The following DLGAP2 variants were observed in gnomAD, a reference collection of about 807,000 sequenced individuals.
DLGAP2 encodes the protein disks large-associated protein 2.
DLGAP2 carries 26 observed loss-of-function variants against 100.3 expected under a neutral mutation model. The ratio of observed to expected loss-of-function variants is 0.26; its 90% CI spans 0.19 to 0.36. The LOEUF (loss-of-function observed/expected upper bound fraction) is 0.36, where lower values mean the gene tolerates loss of function less well. Among genes scored for constraint, DLGAP2 ranks in the 10% least tolerant of loss-of-function variants. The pLI, the probability that DLGAP2 is intolerant of heterozygous loss-of-function variation, is 1.00. For synonymous variants in DLGAP2, 886 were observed against 630.1 expected (o/e 1.41, Z -6.08); for missense variants, 1,858 against 1,453.2 (o/e 1.28, Z -4.53).
At chr8:868,085 T>C (rs1480343156) in intron 1 of DLGAP2, among the ~76,000 whole-genome samples, 1 of 152,258 alleles carries the variant, frequency 6.6e-6, no homozygotes, top group African/African-American at 2.4e-5. Context: ...AATGGTTATA[T>C]ACTTTAAGCT....
intron 1 of DLGAP2, among the ~76,000 whole-genome samples, chr8:759,950 C>T (rs553860000): frequency 6.6e-5 from 10 of 152,290 alleles, no homozygotes; most frequent in South Asian, 2.1e-4. Context: ...CTTCTCATTT[C>T]GCTTCCACCA....
At chr8:816,717 A>G (rs923216685) in intron 1 of DLGAP2, among the ~76,000 whole-genome samples, 1 of 152,138 alleles carries the variant, frequency 6.6e-6, no homozygotes, top group African/African-American at 2.4e-5. Context: ...TCTTTTTGTG[A>G]TGAATTTCCT....
At chr8:1,162,337 T>C (rs755876396) in intron 2 of DLGAP2, among the ~76,000 whole-genome samples, 1 of 152,210 alleles carries the variant, frequency 6.6e-6, no homozygotes, top group South Asian at 2.1e-4. Context: ...CCAGCGTGAA[T>C]TGAGCAGTGG....
chr8:1,557,475 G>A (rs894418195), intron 5 of DLGAP2, among the ~76,000 whole-genome samples: 2 of 152,106 alleles, frequency 1.3e-5, no homozygotes, highest in African/African-American at 2.4e-5. Flanking sequence ...GAGCAGCGGG[G>A]ACAGGTCTCG....
intron 3 of DLGAP2, among the ~76,000 whole-genome samples, chr8:1,478,829 C>A (rs1056673946): frequency 1.3e-5 from 2 of 152,188 alleles, no homozygotes; most frequent in Non-Finnish European, 2.9e-5. Context: ...TAGCCCCCTC[C>A]TTGATGAAGA....
intron 2 of DLGAP2, among the ~76,000 whole-genome samples, chr8:935,002 G>T (rs531155130): frequency 1.3e-5 from 2 of 152,132 alleles, no homozygotes; most frequent in African/African-American, 4.8e-5. Context: ...TTGTAGGAAC[G>T]TGTATTACTC....
intron 3 of DLGAP2, among the ~76,000 whole-genome samples, chr8:1,284,226 C>G (rs192139128): frequency 2.6e-5 from 4 of 152,324 alleles, no homozygotes; most frequent in South Asian, 4.1e-4. Context: ...AAGGAGTCCA[C>G]TGCAGGCTTA....
At chr8:1,682,915 G>A (rs770897634) in intron 12 of DLGAP2, among the ~76,000 whole-genome samples, 1 of 151,386 alleles carries the variant, frequency 6.6e-6, no homozygotes, top group South Asian at 2.1e-4. Context: ...TTCGTGGTGG[G>A]ATTTTTGTTT....
chr8:1,116,983 T>G (rs1805138203), intron 2 of DLGAP2, among the ~76,000 whole-genome samples: 1 of 152,198 alleles, frequency 6.6e-6, no homozygotes, highest in Non-Finnish European at 1.5e-5. Context: ...GGATCGCTTC[T>G]GCCAAAAGAA....
chr8:1,347,953 A>G (rs1015420230), intron 3 of DLGAP2, among the ~76,000 whole-genome samples: 36 of 151,336 alleles, frequency 2.4e-4, no homozygotes, highest in African/African-American at 8.7e-4. Flanking sequence ...GTTCCCATAC[A>G]GAGCTACATT....
chr8:1,240,647 TCA>T (rs1209866054), intron 2 of DLGAP2, among the ~76,000 whole-genome samples: 1 of 150,966 alleles, frequency 6.6e-6, no homozygotes, highest in East Asian at 2.0e-4. Context: ...TAGTTCTCTC[TCA>T]CACAGAGCAT....
chr8:787,099 C>G lies in DLGAP2; in HGVS notation c.18+49274C>G, dbSNP rs182784527. Among the ~76,000 whole-genome samples the G allele has an allele frequency of 2.6e-3, 393 of 152,282 alleles. 2 individuals are homozygous for G. The highest frequency in any genetic ancestry group is 9.1e-3 in the African/African-American group (379 of 41,562). On this transcript the variant is annotated intron_variant, in intron 1 of 14. Coordinates refer to ENST00000637795, the MANE Select transcript of DLGAP2 (RefSeq NM_001346810.2). The stretch of plus-strand genomic sequence containing the variant: ...TGGAATATTATTCTAGGTAAACTGA[C>G]GATGCTTTATTCAATTTTCCTTCAC...
chr8:1,132,898 A>T (rs555783082), intron 2 of DLGAP2, among the ~76,000 whole-genome samples: 2 of 152,222 alleles, frequency 1.3e-5, no homozygotes, highest in Non-Finnish European at 2.9e-5. Context: ...GCTTTGTTTA[A>T]AAATTTGGGG....
At chr8:1,584,617 G>T (rs1446928828) in intron 6 of DLGAP2, among the ~76,000 whole-genome samples, 1 of 152,132 alleles carries the variant, frequency 6.6e-6, no homozygotes, top group African/African-American at 2.4e-5. Context: ...CAGCCCTAGG[G>T]GTTCCCAGGT....
intron 8 of DLGAP2, among the ~76,000 whole-genome samples, chr8:1,639,557 G>A (rs542623233): frequency 3.6e-4 from 55 of 152,296 alleles, no homozygotes; most frequent in African/African-American, 1.0e-3. Context: ...TCCCAGAGAC[G>A]GGCCTGGACT....
At chr8:1,020,402 C>T (rs1466891043) in intron 2 of DLGAP2, among the ~76,000 whole-genome samples, 1 of 152,208 alleles carries the variant, frequency 6.6e-6, no homozygotes, top group Non-Finnish European at 1.5e-5. Flanking sequence ...AATCCAAGCC[C>T]TCTGTTTCTT....
intron 2 of DLGAP2, among the ~76,000 whole-genome samples, chr8:1,043,606 G>A (rs1028203995): frequency 6.6e-6 from 1 of 151,986 alleles, no homozygotes; most frequent in Non-Finnish European, 1.5e-5. Context: ...AAAACTAGGA[G>A]GACTGCAGTG....
intron 3 of DLGAP2, among the ~76,000 whole-genome samples, chr8:1,376,321 A>G (rs1293244654): frequency 2.6e-5 from 4 of 152,168 alleles, no homozygotes; most frequent in East Asian, 1.9e-4. Context: ...TTCTCACTCC[A>G]TCAGCCAGCT....
chr8:1,595,379 G>A (rs1409421201), intron 6 of DLGAP2, among the ~76,000 whole-genome samples: 1 of 152,054 alleles, frequency 6.6e-6, no homozygotes, highest in Non-Finnish European at 1.5e-5. Flanking sequence ...CAAGAAATAG[G>A]TCGGCCGGGC....
Sources: allele counts gnomAD v4.1 joint callset (sites outside exome capture counted in the v4.1 genomes callset), GRCh38; gene constraint gnomAD v4.1.1; transcripts MANE v1.5; gene names NCBI Gene and HGNC (gene_info 2026-07-23, HGNC 2026-07-21).